SPMIP3: variants seen among roughly 807,000 people sequenced by gnomAD.
The protein encoded by SPMIP3 is protein SPMIP3.
At chr1:244,353,032 A>C in the SPMIP3 span, among the ~76,000 whole-genome samples, 56,498 of 152,064 alleles carry the variant, frequency 0.37, 11,432 homozygotes, top group East Asian at 0.81. Flanking sequence ...CCTAGGTTTT[A>C]AAAACTGTGA....
At chr1:244,377,359 G>A in the SPMIP3 span, among the ~76,000 whole-genome samples, 2 of 152,082 alleles carry the variant, frequency 1.3e-5, no homozygotes, top group African/African-American at 4.8e-5. Context: ...CTGACTTCAT[G>A]ATCCGCCTGC....
chr1:244,357,707 C>A, the SPMIP3 span, among the ~76,000 whole-genome samples: 76 of 95,040 alleles, frequency 8.0e-4, no homozygotes, highest in South Asian at 1.5e-3. Context: ...GACTCCATCT[C>A]AAAAAAAAAA....
At chr1:244,364,720 G>C in the SPMIP3 span, 1 of 1,613,810 alleles carries the variant, frequency 6.2e-7, no homozygotes, top group African/African-American at 1.3e-5. Context: ...ATCCGACTAC[G>C]AGAATTTATT....
the SPMIP3 span, among the ~76,000 whole-genome samples, chr1:244,366,836 C>T: frequency 1.3e-5 from 2 of 152,026 alleles, no homozygotes; most frequent in African/African-American, 4.8e-5. Flanking sequence ...GCCGAGATCG[C>T]ACTACTGCAC....
At chr1:244,381,660 G>C in the SPMIP3 span, among the ~76,000 whole-genome samples, 1 of 152,244 alleles carries the variant, frequency 6.6e-6, no homozygotes, top group African/African-American at 2.4e-5. Context: ...GCCTGGCACA[G>C]TGGCTCATGC....
At chr1:244,353,329 G>C in the SPMIP3 span, among the ~76,000 whole-genome samples, 2 of 152,144 alleles carry the variant, frequency 1.3e-5, no homozygotes, top group African/African-American at 4.8e-5. Context: ...AGAATCACTT[G>C]AGCCCAGGAG....
the SPMIP3 span, among the ~76,000 whole-genome samples, chr1:244,359,297 G>A: frequency 6.6e-6 from 1 of 152,206 alleles, no homozygotes; most frequent in Admixed American, 6.6e-5. Context: ...AAAAATGCTT[G>A]CATCGCGTGG....
the SPMIP3 span, chr1:244,375,379 A>G: frequency 1.9e-6 from 3 of 1,613,406 alleles, no homozygotes; most frequent in South Asian, 3.3e-5. Flanking sequence ...TAGTATATTC[A>G]TCGCTCACCA....
At chr1:244,372,181 A>G in the SPMIP3 span, among the ~76,000 whole-genome samples, 4 of 152,304 alleles carry the variant, frequency 2.6e-5, no homozygotes, top group South Asian at 8.3e-4. Context: ...TCCTAGATCT[A>G]GATACTCCTC....
the SPMIP3 span, among the ~76,000 whole-genome samples, chr1:244,364,153 G>A: frequency 1.1e-4 from 16 of 151,432 alleles, no homozygotes; most frequent in African/African-American, 3.6e-4. Context: ...GGCCCTGGCT[G>A]GAGCGCAGTG....
At chr1:244,379,919 G>A in the SPMIP3 span, among the ~76,000 whole-genome samples, 1 of 151,082 alleles carries the variant, frequency 6.6e-6, no homozygotes, top group East Asian at 2.0e-4. Flanking sequence ...GGTGAGCCGA[G>A]ATCGTGCGAC....
the SPMIP3 span, among the ~76,000 whole-genome samples, chr1:244,361,481 G>A: frequency 0.4 from 60,894 of 151,478 alleles, 12,692 homozygotes; most frequent in Middle Eastern, 0.49. Flanking sequence ...TGCCCACCTC[G>A]GCCTCTCAAA....
At chr1:244,360,544 ACACACACACACACATG>A in the SPMIP3 span, among the ~76,000 whole-genome samples, 4 of 62,274 alleles carry the variant, frequency 6.4e-5, no homozygotes, top group African/African-American at 2.1e-4. Context: ...ACACACACAC[ACACACACACACACATG>A]CATGCATGGA....
the SPMIP3 span, among the ~76,000 whole-genome samples, chr1:244,362,843 CTT>C: frequency 5.0e-3 from 588 of 117,532 alleles, 3 homozygotes; most frequent in African/African-American, 0.018. Context: ...TCCCTGTGAA[CTT>C]TTTTTTTTTT....
At chr1:244,358,774 A>G in the SPMIP3 span, among the ~76,000 whole-genome samples, 3 of 152,162 alleles carry the variant, frequency 2.0e-5, no homozygotes, top group Non-Finnish European at 4.4e-5. Context: ...AAATCTTCAA[A>G]GATTTCCTAG....
the SPMIP3 span, among the ~76,000 whole-genome samples, chr1:244,354,961 C>T: frequency 6.6e-6 from 1 of 152,212 alleles, no homozygotes; most frequent in South Asian, 2.1e-4. Flanking sequence ...TAATCTCTGA[C>T]ATTATCTCCT....
chr1:244,365,169 G>A, the SPMIP3 span, among the ~76,000 whole-genome samples: 5 of 152,206 alleles, frequency 3.3e-5, no homozygotes, highest in South Asian at 2.1e-4. Flanking sequence ...TTGTTTGGCC[G>A]AAGGGCAGAA....
At chr1:244,375,330 G>A in the SPMIP3 span, 44 of 1,493,280 alleles carry the variant, frequency 2.9e-5, no homozygotes, top group Admixed American at 2.7e-4. Flanking sequence ...TGAACTAATT[G>A]TAAGAATGGC....
the SPMIP3 span, among the ~76,000 whole-genome samples, chr1:244,360,106 TAA>T: frequency 6.9e-6 from 1 of 145,918 alleles, no homozygotes; most frequent in Admixed American, 6.9e-5. Context: ...AGACGCCATC[TAA>T]AAAAAAAAAG....
Sources: gnomAD v4.1 joint callset for allele counts (sites outside exome capture counted in the v4.1 genomes callset) on GRCh38, gnomAD v4.1.1 for gene constraint, MANE v1.5 for transcripts, NCBI Gene and HGNC (gene_info 2026-07-23, HGNC 2026-07-21) for gene names.